The following COL24A1 variants were observed in gnomAD, a reference collection of about 807,000 sequenced individuals.
The protein encoded by COL24A1 is collagen type XXIV alpha 1 chain, also known as collagen alpha-1(XXIV) chain.
In COL24A1, 224 loss-of-function variants were observed where a neutral mutation model predicts 253.9. The ratio of observed to expected loss-of-function variants is 0.88; its 90% confidence interval spans 0.79 to 0.99. The LOEUF is 0.99. Among genes scored for constraint, COL24A1 ranks in the 50% least tolerant of loss-of-function variants. COL24A1 has a pLI of 0.00. For synonymous variants in COL24A1, 685 were observed against 673.7 expected (o/e 1.02, Z -0.26); for missense variants, 2,131 against 2,068.5 (o/e 1.03, Z -0.59).
At chr1:86,123,198 T>TA (rs998159397) in intron 3 of COL24A1, among the ~76,000 whole-genome samples, 7 of 151,680 alleles carry the variant, frequency 4.6e-5, no homozygotes, top group African/African-American at 9.7e-5. Flanking sequence ...TATGCTATCA[T>TA]AAAAAAAACT....
intron 19 of COL24A1, among the ~76,000 whole-genome samples, chr1:86,008,640 A>G (rs982122110): frequency 6.6e-6 from 1 of 152,210 alleles, no homozygotes; most frequent in Admixed American, 6.5e-5. Context: ...GGGGTATTAC[A>G]ATACAATTAG....
At chr1:85,911,813 C>G (rs1330374969) in intron 24 of COL24A1, among the ~76,000 whole-genome samples, 1 of 151,896 alleles carries the variant, frequency 6.6e-6, no homozygotes, top group African/African-American at 2.4e-5. Flanking sequence ...TTTTTGAAAG[C>G]CCCTCAATAC....
At chr1:86,035,450 AC>A (rs1310927334) in intron 12 of COL24A1, among the ~76,000 whole-genome samples, 1 of 152,076 alleles carries the variant, frequency 6.6e-6, no homozygotes, top group Non-Finnish European at 1.5e-5. Flanking sequence ...TTTTCCAGAA[AC>A]CCCAGTGAAA....
chr1:85,816,777 G>A lies in COL24A1; in HGVS notation c.3951+11C>T, dbSNP rs370768687. The A allele has an allele frequency of 3.6e-5, 57 of 1,594,700 alleles. No individual in the cohort carries two copies. Among genetic ancestry groups the A allele is most frequent in the East Asian group, 4.5e-5 (2 of 44,772 alleles). On this transcript the variant is annotated intron_variant, in intron 47 of 59. Transcript: ENST00000370571. ...GGAAATAATGAGCAAAGAGATATCC[G>A]TACTACTCACAGGAAGTCCCTGTTT... is the stretch of plus-strand genomic sequence containing the variant.
chr1:85,745,289 C>T, intron 56 of COL24A1, 152 bp downstream of exon 56: 2 of 483,366 alleles, frequency 4.1e-6, no homozygotes, highest in Non-Finnish European at 7.2e-6. Context: ...ATACCAAAAT[C>T]ACTTACTTTG....
At chr1:86,141,154 C>T (rs938831192) in intron 2 of COL24A1, among the ~76,000 whole-genome samples, 2 of 152,058 alleles carry the variant, frequency 1.3e-5, no homozygotes, top group African/African-American at 4.8e-5. Flanking sequence ...AAGAAATTAC[C>T]AGAGCTGAAA....
chr1:85,822,389 T>G (rs553888599), intron 45 of COL24A1, among the ~76,000 whole-genome samples: 1 of 152,308 alleles, frequency 6.6e-6, no homozygotes, highest in African/African-American at 2.4e-5. Context: ...GTGCATTTTC[T>G]TAAGAATTTA....
chr1:85,742,006 A>G (rs1294625852), intron 57 of COL24A1, among the ~76,000 whole-genome samples: 2 of 151,982 alleles, frequency 1.3e-5, no homozygotes, highest in African/African-American at 4.8e-5. Flanking sequence ...TTTTCAGGAC[A>G]CCACATCCAG....
At chr1:85,780,829 G>T (rs77967301) in intron 52 of COL24A1, among the ~76,000 whole-genome samples, 5,543 of 152,004 alleles carry the variant, frequency 0.036, 111 homozygotes, top group Middle Eastern at 0.082. Context: ...CTATTCTCTC[G>T]AACGATTCTT....
At chr1:85,828,250 C>T (rs1329429583) in intron 43 of COL24A1, among the ~76,000 whole-genome samples, 2 of 150,716 alleles carry the variant, frequency 1.3e-5, no homozygotes, top group African/African-American at 4.9e-5. Flanking sequence ...GATTCTTAAT[C>T]CTGAGTTCTA....
chr1:86,131,013 G>C (rs903191991), intron 2 of COL24A1, among the ~76,000 whole-genome samples: 1 of 151,860 alleles, frequency 6.6e-6, no homozygotes, highest in South Asian at 2.1e-4. Context: ...TTGTAGCCTT[G>C]TACCTTAAAT....
At chr1:86,034,067 C>T in intron 12 of COL24A1, 144 bp from the exon 13 acceptor site, 1 of 530,948 alleles carries the variant, frequency 1.9e-6, no homozygotes, top group Non-Finnish European at 3.2e-6. Context: ...GCATAACACG[C>T]TTAATTGATT....
intron 11 of COL24A1, among the ~76,000 whole-genome samples, chr1:86,047,819 C>A (rs1442718980): frequency 6.6e-6 from 1 of 151,926 alleles, no homozygotes; most frequent in Non-Finnish European, 1.5e-5. Context: ...CTGTTACTTG[C>A]AGATTAAAGC....
Position 85,784,145 on chromosome 1 carries a change from A to G in COL24A1, c.4189T>C (p.Leu1397=). 6.2e-7 allele frequency: 1 copy of G among 1,613,770 alleles called. No individual in the cohort carries two copies. Reference sequence around the variant, plus strand: ...CCTGGGAATCCTTGGAAACCTGTCAAACCTTGAACACCATATTCTCCCTGC... The same window carrying G: ...CCTGGGAATCCTTGGAAACCTGTCAGACCTTGAACACCATATTCTCCCTGC... ...GQPGEYGVQG[L]TGFQGFPGPK... is the part of the protein sequence containing the mutation. The change falls in exon 50 of 60, where the codon TTG becomes CTG. Residue 1397 remains leucine, a synonymous_variant. Coordinates refer to ENST00000370571, the MANE Select transcript of COL24A1 (RefSeq NM_152890.7).
chr1:85,891,228 T>A (rs1683103062), intron 31 of COL24A1, among the ~76,000 whole-genome samples: 1 of 150,292 alleles, frequency 6.7e-6, no homozygotes. Context: ...TTTTTTTTTT[T>A]TTTTTTTTTG....
chr1:86,084,368 T>C (rs890117201), intron 7 of COL24A1, among the ~76,000 whole-genome samples: 6 of 152,230 alleles, frequency 3.9e-5, no homozygotes, highest in African/African-American at 1.4e-4. Context: ...AATTATAGGA[T>C]GAATACAACA....
chr1:85,787,351 C>T (rs1200645423), intron 47 of COL24A1, among the ~76,000 whole-genome samples: 2 of 152,084 alleles, frequency 1.3e-5, no homozygotes, highest in Admixed American at 6.6e-5. Flanking sequence ...TTTCCTAATG[C>T]TCTCCCTCTG....
intron 24 of COL24A1, among the ~76,000 whole-genome samples, chr1:85,936,235 A>G (rs563530967): frequency 2.0e-5 from 3 of 147,484 alleles, no homozygotes; most frequent in Non-Finnish European, 3.0e-5. Context: ...TTGAACTGCT[A>G]GTCTCTGAAC....
chr1:85,933,087 TAA>T (rs747954578), intron 24 of COL24A1, among the ~76,000 whole-genome samples: 28,321 of 123,312 alleles, frequency 0.23, 2,477 homozygotes, highest in African/African-American at 0.29. Context: ...TAGAGTATAA[TAA>T]AAAAAAAAAA....
Sources: gnomAD v4.1 joint callset for allele counts (sites outside exome capture counted in the v4.1 genomes callset) on GRCh38, gnomAD v4.1.1 for gene constraint, MANE v1.5 for transcripts, NCBI Gene and HGNC (gene_info 2026-07-23, HGNC 2026-07-21) for gene names.